Variants in PCSK5 observed in about 807,000 individuals in gnomAD.
The protein encoded by PCSK5 is proprotein convertase subtilisin/kexin type 5, also known as prohormone convertase 5.
PCSK5 carries 129 observed loss-of-function variants against 233.2 expected under a neutral mutation model. The observed-to-expected ratio is 0.55, with a 90% CI of 0.48 to 0.64. The LOEUF is 0.64. PCSK5 is among the 30% of genes least tolerant of loss of function. PCSK5 has a pLI of 0.00. For synonymous variants in PCSK5, 825 were observed against 879.2 expected (o/e 0.94, Z 1.09); for missense variants, 2,076 against 2,430.1 (o/e 0.85, Z 3.06).
At chr9:75,957,089 A>G (rs1236608101) in intron 2 of PCSK5, among the ~76,000 whole-genome samples, 1 of 152,136 alleles carries the variant, frequency 6.6e-6, no homozygotes, top group Non-Finnish European at 1.5e-5. Flanking sequence ...AGGCTTACCC[A>G]TCAGCGAGTT....
intron 24 of PCSK5, among the ~76,000 whole-genome samples, chr9:76,241,986 G>T (rs1443046281): frequency 7.2e-5 from 11 of 152,170 alleles, no homozygotes; most frequent in Non-Finnish European, 1.6e-4. Context: ...GCCCAGTGAG[G>T]CTAATGCTGT....
chr9:76,284,306 G>T (rs1438976982), intron 24 of PCSK5, among the ~76,000 whole-genome samples: 1 of 152,048 alleles, frequency 6.6e-6, no homozygotes, highest in Admixed American at 6.6e-5. Context: ...GGGACCCGGT[G>T]GGGGGTAACT....
chr9:76,314,128 G>C (rs144919418), intron 30 of PCSK5, among the ~76,000 whole-genome samples: 1 of 152,194 alleles, frequency 6.6e-6, no homozygotes, highest in East Asian at 1.9e-4. Context: ...GGAAGAAAGA[G>C]ATGCATTTTG....
chr9:76,053,953 T>C (rs1172057097), intron 5 of PCSK5, among the ~76,000 whole-genome samples: 1 of 152,074 alleles, frequency 6.6e-6, no homozygotes, highest in African/African-American at 2.4e-5. Flanking sequence ...GGGTAACTTA[T>C]AAAGAAAAAG....
intron 10 of PCSK5, among the ~76,000 whole-genome samples, chr9:76,151,290 A>G (rs1315920697): frequency 1.3e-5 from 2 of 152,202 alleles, no homozygotes; most frequent in African/African-American, 4.8e-5. Context: ...CCCAGCCCAC[A>G]GATCAAGCAG....
chr9:76,227,438 A>G (rs943626812), intron 20 of PCSK5, 65 bp from the exon 21 acceptor site: 1 of 1,152,042 alleles, frequency 8.7e-7, no homozygotes, highest in Non-Finnish European at 1.3e-6. Flanking sequence ...GGCTGCTCTC[A>G]GACTGACAGC....
chr9:76,076,066 T>A (rs1395216204), intron 7 of PCSK5, among the ~76,000 whole-genome samples: 6 of 152,172 alleles, frequency 3.9e-5, no homozygotes, highest in Non-Finnish European at 8.8e-5. Flanking sequence ...AGACAGAACA[T>A]CCTCTTTGAG....
intron 24 of PCSK5, among the ~76,000 whole-genome samples, chr9:76,271,111 A>G: frequency 6.6e-6 from 1 of 152,164 alleles, no homozygotes; most frequent in East Asian, 1.9e-4. Context: ...CAGGAAACCC[A>G]TCATTCCTCC....
chr9:76,016,376 TGTA>T (rs781641425), intron 3 of PCSK5, among the ~76,000 whole-genome samples: 1 of 152,158 alleles, frequency 6.6e-6, no homozygotes, highest in Non-Finnish European at 1.5e-5. Context: ...GTGATTGGAA[TGTA>T]GTAAGTGAGA....
At chr9:76,184,129 C>T (rs1259853452) in intron 16 of PCSK5, among the ~76,000 whole-genome samples, 1 of 152,166 alleles carries the variant, frequency 6.6e-6, no homozygotes, top group African/African-American at 2.4e-5. Flanking sequence ...GTGCAAGACA[C>T]TAAAATAGTG....
At chr9:75,966,661 A>G (rs536008337) in intron 2 of PCSK5, among the ~76,000 whole-genome samples, 1 of 152,336 alleles carries the variant, frequency 6.6e-6, no homozygotes, top group South Asian at 2.1e-4. Flanking sequence ...AACATATGTG[A>G]CAATTTTGTA....
rs1030668085 is a variant in PCSK5, at chr9:76,362,173, T to C, written c.*3251T>C. On this transcript the variant is annotated 3_prime_UTR_variant, in exon 38 of 38. Coordinates refer to ENST00000674117, the MANE Select transcript of PCSK5 (RefSeq NM_001372043.1). ...AATACTATGCTAATGACTATCTAAA[T>C]AGATAAATATGTGATTGGAAAACAA... 15 of 152,234 alleles carry C rather than the reference T, an allele frequency of 9.9e-5. No homozygotes were observed. Among genetic ancestry groups the C allele is most frequent in the African/African-American group, 3.4e-4 (14 of 41,464 alleles). The allele number at this position is 152,234 out of a possible 1,614,324, so 9.4% of individuals were successfully genotyped here. A position where few individuals can be genotyped will look rare whatever the true frequency, so the allele number is the denominator to read the frequency against.
At chr9:76,060,276 A>C (rs1829979694) in intron 5 of PCSK5, among the ~76,000 whole-genome samples, 1 of 152,236 alleles carries the variant, frequency 6.6e-6, no homozygotes, top group African/African-American at 2.4e-5. Context: ...CTTATTAATA[A>C]AAATAAAAAA....
At chr9:76,112,972 AATATT>A (rs1832283924) in intron 9 of PCSK5, among the ~76,000 whole-genome samples, 1 of 152,188 alleles carries the variant, frequency 6.6e-6, no homozygotes, top group Non-Finnish European at 1.5e-5. Context: ...ATTCTCAACA[AATATT>A]AAATTAATTC....
chr9:76,114,491 C>T (rs988041873), intron 9 of PCSK5, among the ~76,000 whole-genome samples: 1 of 152,104 alleles, frequency 6.6e-6, no homozygotes, highest in African/African-American at 2.4e-5. Context: ...CTACAGCTTC[C>T]AGAGATGTCT....
intron 4 of PCSK5, among the ~76,000 whole-genome samples, chr9:76,026,408 G>T (rs1828427653): frequency 6.6e-6 from 1 of 152,114 alleles, no homozygotes. Context: ...CCAGACGAGG[G>T]TTGTCTAATA....
At chr9:75,963,712 C>G (rs1825454232) in intron 2 of PCSK5, among the ~76,000 whole-genome samples, 1 of 152,170 alleles carries the variant, frequency 6.6e-6, no homozygotes, top group South Asian at 2.1e-4. Context: ...AACCCCGTCT[C>G]TACTAAAAAT....
intron 12 of PCSK5, 101 bp downstream of exon 12, chr9:76,159,272 C>T (rs1822742859): frequency 9.7e-7 from 1 of 1,032,052 alleles, no homozygotes; most frequent in Non-Finnish European, 1.4e-6. Flanking sequence ...AACCTGGGAA[C>T]CAGCAGAGGG....
At chr9:76,151,449 CTA>C (rs1823669100) in intron 10 of PCSK5, among the ~76,000 whole-genome samples, 2 of 152,308 alleles carry the variant, frequency 1.3e-5, no homozygotes, top group East Asian at 3.9e-4. Flanking sequence ...GTCTCACCCT[CTA>C]TTCCCTGCAC....
Sources: allele counts gnomAD v4.1 joint callset (sites outside exome capture counted in the v4.1 genomes callset), GRCh38; gene constraint gnomAD v4.1.1; transcripts MANE v1.5; gene names NCBI Gene and HGNC (gene_info 2026-07-23, HGNC 2026-07-21).